DSCAM: variants seen among roughly 807,000 people sequenced by gnomAD.
DSCAM encodes cell adhesion molecule DSCAM.
A neutral mutation model predicts 217.7 loss-of-function variants in DSCAM; 47 were observed. That is an observed-to-expected ratio of 0.22 (90% CI 0.17 to 0.28). The LOEUF is 0.28. Among genes scored for constraint, DSCAM ranks in the 10% least tolerant of loss-of-function variants. DSCAM has a pLI of 1.00. For synonymous variants in DSCAM, 1,056 were observed against 1,015.3 expected, an observed-to-expected ratio of 1.04 and a Z score of -0.76; for missense variants, 2,080 against 2,618.3, an observed-to-expected ratio of 0.79 and a Z score of 4.49.
intron 3 of DSCAM, among the ~76,000 whole-genome samples, chr21:40,636,194 C>T (rs994949779): frequency 6.6e-6 from 1 of 151,974 alleles, no homozygotes; most frequent in Non-Finnish European, 1.5e-5. Flanking sequence ...GCCCAGCTGG[C>T]GCGCACAACC....
chr21:40,472,546 TA>T (rs1341575204), intron 3 of DSCAM, among the ~76,000 whole-genome samples: 2 of 152,212 alleles, frequency 1.3e-5, no homozygotes, highest in Non-Finnish European at 2.9e-5. Context: ...AAAATCATAG[TA>T]AAACTTCATT....
chr21:40,074,933 GA>G, intron 27 of DSCAM, 103 bp downstream of exon 27: 1 of 1,256,786 alleles, frequency 8.0e-7, no homozygotes, highest in Non-Finnish European at 1.1e-6. Context: ...GTTAAAGAGG[GA>G]AGAGTCACTC....
intron 32 of DSCAM, among the ~76,000 whole-genome samples, chr21:40,017,385 G>A (rs1196911177): frequency 1.3e-5 from 2 of 152,064 alleles, no homozygotes; most frequent in Non-Finnish European, 2.9e-5. Context: ...ACTAAGTGAT[G>A]ATGAGTAGTT....
chr21:40,451,058 G>A (rs568394747), intron 3 of DSCAM, among the ~76,000 whole-genome samples: 4 of 152,182 alleles, frequency 2.6e-5, no homozygotes, highest in Admixed American at 1.3e-4. Context: ...AAGCATGCAC[G>A]TCAGTGGAGT....
chr21:40,177,472 A>AAC (rs1483202679), intron 15 of DSCAM, among the ~76,000 whole-genome samples: 2 of 152,228 alleles, frequency 1.3e-5, no homozygotes, highest in African/African-American at 4.8e-5. Context: ...AGCATTGAAA[A>AAC]ATGGGCATTC....
intron 20 of DSCAM, among the ~76,000 whole-genome samples, chr21:40,103,859 A>G (rs1002113838): frequency 6.6e-6 from 1 of 151,106 alleles, no homozygotes; most frequent in Non-Finnish European, 1.5e-5. Flanking sequence ...TATGTAGACT[A>G]TATATATAAT....
At chr21:40,684,357 C>T (rs1035334903) in intron 3 of DSCAM, among the ~76,000 whole-genome samples, 1 of 152,190 alleles carries the variant, frequency 6.6e-6, no homozygotes, top group African/African-American at 2.4e-5. Flanking sequence ...CCACAGGTGA[C>T]GCGGTTGCTG....
intron 4 of DSCAM, among the ~76,000 whole-genome samples, chr21:40,366,800 C>G (rs2074837575): frequency 6.6e-6 from 1 of 152,154 alleles, no homozygotes; most frequent in Non-Finnish European, 1.5e-5. Context: ...TTTAGCCCAT[C>G]TCTCAGAGCT....
chr21:40,447,386 C>T (rs1161004030), intron 3 of DSCAM, among the ~76,000 whole-genome samples: 1 of 152,204 alleles, frequency 6.6e-6, no homozygotes, highest in Non-Finnish European at 1.5e-5. Context: ...TTGTATTTTT[C>T]ACAAACCTCT....
chr21:40,731,214 T>G (rs1490456875), intron 1 of DSCAM, among the ~76,000 whole-genome samples: 1 of 152,222 alleles, frequency 6.6e-6, no homozygotes, highest in African/African-American at 2.4e-5. Flanking sequence ...TAGGCTAGTA[T>G]TAACTTTGTT....
chr21:40,146,503 T>G (rs546792438), intron 16 of DSCAM, among the ~76,000 whole-genome samples: 1 of 152,298 alleles, frequency 6.6e-6, no homozygotes, highest in African/African-American at 2.4e-5. Flanking sequence ...TGCCTAATAA[T>G]AACTTCCCAG....
intron 3 of DSCAM, among the ~76,000 whole-genome samples, chr21:40,514,314 T>C (rs1302826139): frequency 1.3e-5 from 2 of 152,170 alleles, no homozygotes; most frequent in Non-Finnish European, 2.9e-5. Context: ...CATCCAATGC[T>C]TCATCATCCC....
intron 3 of DSCAM, among the ~76,000 whole-genome samples, chr21:40,525,009 C>CTAAAAAAAAAAAAA (rs2076389190): frequency 1.8e-5 from 1 of 56,122 alleles, no homozygotes; most frequent in Non-Finnish European, 3.8e-5. Flanking sequence ...GACTCAGTCT[C>CTAAAAAAAAAAAAA]AAAAAAAAAA....
intron 4 of DSCAM, among the ~76,000 whole-genome samples, chr21:40,361,639 CA>C (rs947526364): frequency 3.9e-5 from 6 of 151,988 alleles, no homozygotes; most frequent in African/African-American, 9.7e-5. Context: ...AACAAACAAA[CA>C]AACAACAACA....
chr21:40,117,623 A>G (rs1383000467), intron 20 of DSCAM, among the ~76,000 whole-genome samples: 1 of 152,246 alleles, frequency 6.6e-6, no homozygotes, highest in African/African-American at 2.4e-5. Flanking sequence ...ATGGAACATG[A>G]CAATCACTTT....
At chr21:40,456,495 G>T (rs554150835) in intron 3 of DSCAM, among the ~76,000 whole-genome samples, 290 of 152,186 alleles carry the variant, frequency 1.9e-3, no homozygotes, top group African/African-American at 6.6e-3. Context: ...GGCAGGAATT[G>T]CAGGGGCTGT....
intron 3 of DSCAM, among the ~76,000 whole-genome samples, chr21:40,666,958 G>A (rs2090208997): frequency 6.6e-6 from 1 of 152,170 alleles, no homozygotes; most frequent in Non-Finnish European, 1.5e-5. Context: ...TGCAAAAAAG[G>A]CATTGCACAG....
intron 1 of DSCAM, among the ~76,000 whole-genome samples, chr21:40,711,642 G>A (rs1024156641): frequency 6.6e-6 from 1 of 152,178 alleles, no homozygotes; most frequent in Non-Finnish European, 1.5e-5. Context: ...CCTATGTTGA[G>A]TCCTACACTG....
At chr21:40,292,712 C>G (rs543588735) in intron 10 of DSCAM, among the ~76,000 whole-genome samples, 1 of 152,026 alleles carries the variant, frequency 6.6e-6, no homozygotes, top group South Asian at 2.1e-4. Context: ...ATAAATGTGA[C>G]AGAAGTCATT....
Sources: allele counts gnomAD v4.1 joint callset (sites outside exome capture counted in the v4.1 genomes callset), GRCh38; gene constraint gnomAD v4.1.1; transcripts MANE v1.5; gene names NCBI Gene and HGNC (gene_info 2026-07-23, HGNC 2026-07-21).